FLI1: variants seen among roughly 807,000 people sequenced by gnomAD.
FLI1 encodes Fli-1 proto-oncogene, ETS transcription factor.
A neutral mutation model predicts 53.1 loss-of-function variants in FLI1; 13 were observed. The ratio of observed to expected loss-of-function variants is 0.24; its 90% CI spans 0.16 to 0.39. The LOEUF is 0.39. FLI1 is among the 10% of genes least tolerant of loss of function. The pLI is 1.00. For missense variants in FLI1, 424 were observed against 600.5 expected, an observed-to-expected ratio of 0.71 and a Z score of 3.07; for synonymous variants, 244 against 236.7, an observed-to-expected ratio of 1.03 and a Z score of -0.28.
chr11:128,694,593 C>T (rs1316734851), intron 1 of FLI1, among the ~76,000 whole-genome samples: 1 of 149,634 alleles, frequency 6.7e-6, no homozygotes, highest in East Asian at 2.0e-4. Flanking sequence ...GGGTACGGAA[C>T]GGAGTCAAGG....
chr11:128,788,339 T>G (rs986448022), intron 5 of FLI1, among the ~76,000 whole-genome samples: 7 of 151,948 alleles, frequency 4.6e-5, no homozygotes, highest in East Asian at 3.9e-4. Flanking sequence ...TGTGGTGGCA[T>G]GTGCCTGTAG....
At chr11:128,720,052 G>C (rs604820) in intron 1 of FLI1, among the ~76,000 whole-genome samples, 126,254 of 152,224 alleles carry the variant, frequency 0.83, 52,978 homozygotes, top group East Asian at 0.96. Flanking sequence ...GTAAAAGCAC[G>C]CATAGTCTCA....
At chr11:128,701,568 C>G in intron 1 of FLI1, among the ~76,000 whole-genome samples, 1 of 152,174 alleles carries the variant, frequency 6.6e-6, no homozygotes, top group East Asian at 1.9e-4. Flanking sequence ...AATTGCTCAT[C>G]CCTACAAAAA....
At chr11:128,803,127 TC>T (rs35511688) in intron 5 of FLI1, among the ~76,000 whole-genome samples, 68,828 of 151,970 alleles carry the variant, frequency 0.45, 15,765 homozygotes, top group African/African-American at 0.53. Context: ...CATGTACGAT[TC>T]CCTGGAATTT....
In FLI1 at chr11:128,789,610, C is replaced by T. The variant is rs558243273; in HGVS notation, c.655+7587C>T. Reference sequence around the variant, plus strand: ...AGTTTCCCGAGGAGGGCATCTTTGTCCCTCGCGATATGCACTGCCTGTGTC... The same window carrying T: ...AGTTTCCCGAGGAGGGCATCTTTGTTCCTCGCGATATGCACTGCCTGTGTC... On this transcript the variant is annotated intron_variant, in intron 5 of 8. Coordinates refer to ENST00000527786, the MANE Select transcript of FLI1 (RefSeq NM_002017.5). Among the ~76,000 whole-genome samples the T allele has an allele frequency of 3.3e-5, 5 of 152,300 alleles. No individual in the cohort carries two copies. In the South Asian group the frequency reaches 1.0e-3, roughly 32 times the overall value.
chr11:128,747,752 T>C (rs565002289), intron 1 of FLI1, among the ~76,000 whole-genome samples: 1 of 152,212 alleles, frequency 6.6e-6, no homozygotes, highest in Non-Finnish European at 1.5e-5. Flanking sequence ...CCGACCCTTT[T>C]GTGGTTCCCA....
At chr11:128,708,439 G>A (rs989007354) in intron 1 of FLI1, among the ~76,000 whole-genome samples, 1 of 152,186 alleles carries the variant, frequency 6.6e-6, no homozygotes, top group Non-Finnish European at 1.5e-5. Context: ...CCTGTGCCTA[G>A]CTCCCCTGAG....
chr11:128,694,130 AG>A lies in FLI1; in HGVS notation c.-124del. On this transcript the variant is annotated 5_prime_UTR_variant, in exon 1 of 9. Transcript: ENST00000527786. ...AGGGGAGTGAGGGCAGGGCGCTCGC[AG>A]GGGGCACGCAGGGAGGGCCCAGGGC... 2.1e-6 allele frequency: 2 copies of A among 941,616 alleles called. No homozygotes were observed. Among genetic ancestry groups the A allele is most frequent in the South Asian group, 2.0e-5 (1 of 50,060 alleles). 58.3% of individuals were successfully genotyped at this position (941,616 alleles called of 1,614,324 possible). A position where few individuals can be genotyped will look rare whatever the true frequency, so the allele number is the denominator to read the frequency against.
intron 1 of FLI1, among the ~76,000 whole-genome samples, chr11:128,709,349 T>C (rs1425510782): frequency 2.6e-5 from 4 of 152,218 alleles, no homozygotes; most frequent in Non-Finnish European, 5.9e-5. Context: ...AGATAATAAA[T>C]GTAACTTAAA....
At chr11:128,706,651 T>C (rs1938557941) in intron 1 of FLI1, among the ~76,000 whole-genome samples, 3 of 152,166 alleles carry the variant, frequency 2.0e-5, no homozygotes, top group Admixed American at 2.0e-4. Flanking sequence ...TGAGGGTGTT[T>C]TCTGGAGCAA....
Position 128,716,755 on chromosome 11 carries a change from C to A in FLI1, c.18+22479C>A, listed in dbSNP as rs562491010. Among the ~76,000 whole-genome samples, 8 of 152,272 alleles carry A rather than the reference C, an allele frequency of 5.3e-5. No individual in the cohort carries two copies. The South Asian group carries it at 1.7e-3, about 32-fold the overall frequency. On this transcript the variant is annotated intron_variant, in intron 1 of 8. Coordinates refer to ENST00000527786, the MANE Select transcript of FLI1 (RefSeq NM_002017.5). Reference sequence around the variant, plus strand: ...AGCTGCGGTGAGCCTGGCCACAGGGCTCTGCATTCCTTCTGGGCTTTGCTT... The same window carrying A: ...AGCTGCGGTGAGCCTGGCCACAGGGATCTGCATTCCTTCTGGGCTTTGCTT...
upstream of FLI1, chr11:128,686,357 C>T: frequency 2.2e-6 from 1 of 456,254 alleles, no homozygotes; most frequent in Middle Eastern, 3.3e-4. Context: ...TGATTTCGGG[C>T]AGGGGAGAGT....
chr11:128,795,137 T>C (rs1942394138), intron 5 of FLI1, among the ~76,000 whole-genome samples: 1 of 152,232 alleles, frequency 6.6e-6, no homozygotes, highest in Non-Finnish European at 1.5e-5. Flanking sequence ...ATTCTTGTAT[T>C]TGGCATATTC....
intron 1 of FLI1, among the ~76,000 whole-genome samples, chr11:128,750,050 G>A (rs1591778673): frequency 6.6e-6 from 1 of 152,222 alleles, no homozygotes; most frequent in South Asian, 2.1e-4. Flanking sequence ...CTCTCCGACT[G>A]GCAAGAGAAG....
intron 4 of FLI1, among the ~76,000 whole-genome samples, chr11:128,780,291 A>G (rs914750697): frequency 4.6e-5 from 7 of 152,222 alleles, no homozygotes; most frequent in African/African-American, 1.7e-4. Context: ...TAGAACTAAC[A>G]GTCATATTCT....
rs538862341 is a variant in FLI1 at position 128,791,962 on chromosome 11, A to G, written c.655+9939A>G. ...AAAGGTGACGCTGCAGGGAGAGTGT[A>G]CCTTCTGCTCAATTCCACCTTCCTT... On this transcript the variant is annotated intron_variant, in intron 5 of 8. Transcript: ENST00000527786. Among the ~76,000 whole-genome samples, 3 of 152,308 alleles carry G rather than the reference A, an allele frequency of 2.0e-5. No homozygotes were observed. In the East Asian group the frequency reaches 5.8e-4, roughly 29 times the overall value.
chr11:128,799,034 A>ATTTT (rs1215901447), intron 5 of FLI1, among the ~76,000 whole-genome samples: 2 of 131,810 alleles, frequency 1.5e-5, no homozygotes, highest in Admixed American at 8.3e-5. Context: ...TATTATTATT[A>ATTTT]TTATTATTAT....
chr11:128,777,215 TG>T (rs904025725), intron 4 of FLI1, among the ~76,000 whole-genome samples: 2 of 151,942 alleles, frequency 1.3e-5, no homozygotes, highest in Non-Finnish European at 2.9e-5. Context: ...TCAGGGCCGC[TG>T]GGGGGAGTTT....
chr11:128,691,580 T>A (rs766583870), upstream of FLI1: 3 of 152,210 alleles, frequency 2.0e-5, no homozygotes, highest in Non-Finnish European at 4.4e-5. Flanking sequence ...TAGTGGTGCC[T>A]GTGCCAGGCT....
Sources: allele counts gnomAD v4.1 joint callset (sites outside exome capture counted in the v4.1 genomes callset), GRCh38; gene constraint gnomAD v4.1.1; transcripts MANE v1.5; gene names NCBI Gene and HGNC (gene_info 2026-07-23, HGNC 2026-07-21).